KIAA1217: variants seen among roughly 807,000 people sequenced by gnomAD.
KIAA1217 encodes the protein sickle tail protein homolog.
Under a neutral mutation model 163.9 loss-of-function variants are expected in KIAA1217, and 88 were observed. The observed-to-expected ratio is 0.54, with a 90% CI of 0.45 to 0.64. The LOEUF is 0.64. Among genes scored for constraint, KIAA1217 ranks in the 30% least tolerant of loss-of-function variants. KIAA1217 has a pLI of 0.00. For synonymous variants in KIAA1217, 903 were observed against 923.1 expected (o/e 0.98, Z 0.39); for missense variants, 2,372 against 2,475.0 (o/e 0.96, Z 0.88).
In KIAA1217 at chr10:24,545,087, C is replaced by A; in HGVS notation, c.5318C>A (p.Pro1773His). The change falls in exon 20 of 21, where the codon CCC becomes CAC. Residue 1773 changes from proline (P) to histidine (H), a missense_variant. Physicochemically the swap from Pro to His is moderately conservative, Grantham distance 77 (BLOSUM62 -2). Around this residue, in one of 3 missense-constraint regions of KIAA1217, gnomAD observed 690 missense variants for 677.5 expected, o/e 1.02. Coordinates refer to ENST00000376454, the MANE Select transcript of KIAA1217 (RefSeq NM_019590.5). The stretch of plus-strand genomic sequence containing the variant: ...GGCAAGCAGTCCAAACTGCAGGATC[C>A]CCGCCAATATCGTCAGGTAGTTTTA... ...KPGKQSKLQD[P>H]RQYRQANGSA... 1 of 1,614,188 alleles carries A rather than the reference C, an allele frequency of 6.2e-7. No individual in the cohort carries two copies. Among genetic ancestry groups the A allele is most frequent in the South Asian group, 1.1e-5 (1 of 91,086 alleles).
intron 2 of KIAA1217, among the ~76,000 whole-genome samples, chr10:24,269,348 T>G (rs10443964): frequency 0.35 from 52,521 of 151,182 alleles, 9,292 homozygotes; most frequent in African/African-American, 0.38. Context: ...CAGAGCAAGA[T>G]CCTTTCTCTA....
intron 2 of KIAA1217, among the ~76,000 whole-genome samples, chr10:24,189,455 T>G (rs2066608737): frequency 6.6e-6 from 1 of 152,176 alleles, no homozygotes; most frequent in South Asian, 2.1e-4. Flanking sequence ...TAAAATATTT[T>G]TCTATCCCTT....
rs2061835398 is a variant in KIAA1217 at position 24,089,320 on chromosome 10, T to C, written c.-171+81946T>C. Among the ~76,000 whole-genome samples the C allele has an allele frequency of 2.4e-5, 3 of 125,576 alleles. 1 individual carries two copies. The highest frequency in any genetic ancestry group is 1.5e-4 in the Admixed American group (2 of 13,062). 82.4% of individuals were successfully genotyped at this position (125,576 alleles called of 152,430 possible). On this transcript the variant is annotated intron_variant, in intron 2 of 18. Transcript: ENST00000376462. ...TTTAATTAGATCCCATTTGTCAATT[T>C]TGGCTTTTGTTGCCATTGCTTTTGG...
chr10:24,473,870 C>T lies in KIAA1217; in HGVS notation c.1489C>T (p.His497Tyr). 1 of 1,614,166 alleles carries T rather than the reference C, an allele frequency of 6.2e-7. No individual in the cohort carries two copies. The highest frequency in any genetic ancestry group is 1.7e-5 in the Admixed American group (1 of 60,020). Residue 497 changes from histidine to tyrosine, a missense_variant, in exon 6 of 21, where the codon CAC (histidine) becomes TAC (tyrosine). This residue lies in a region of KIAA1217 where 1,431 missense variants were observed against 1,470.3 expected (regional missense o/e 0.97). Coordinates refer to ENST00000376454, the MANE Select transcript of KIAA1217 (RefSeq NM_019590.5). ...HAHYNAHGPP[H>Y]TMQPDRASPS... ...TCACTATAATGCCCACGGCCCCCCT[C>T]ACACCATGCAGCCAGACCGGGCCTC...
chr10:24,219,794 G>A lies in KIAA1217; in HGVS notation c.239G>A (p.Gly80Glu), dbSNP rs1486516049. The part of the protein sequence containing the change: ...GGPRSSKEIL[G>E]MQTSEMDRKR... ...CCCCGAAGTTCCAAGGAAATACTGG[G>A]AATGCAAACATCTGAGATGGATCGG... The change falls in exon 2 of 21, where the codon GGA becomes GAA. Residue 80 changes from glycine to glutamate, a missense_variant. Gly to Glu is a moderately conservative substitution (Grantham distance 98). Around this residue, in one of 3 missense-constraint regions of KIAA1217, gnomAD observed 1,431 missense variants for 1,470.3 expected, o/e 0.97. Coordinates refer to ENST00000376454, the MANE Select transcript of KIAA1217 (RefSeq NM_019590.5). 6.2e-7 allele frequency: 1 copy of A among 1,613,988 alleles called. No homozygotes were observed. Among genetic ancestry groups the A allele is most frequent in the Admixed American group, 1.7e-5 (1 of 60,012 alleles).
intron 2 of KIAA1217, among the ~76,000 whole-genome samples, chr10:24,191,636 C>A (rs1365726655): frequency 6.6e-6 from 1 of 152,054 alleles, no homozygotes; most frequent in Non-Finnish European, 1.5e-5. Flanking sequence ...GCAAAAGCAA[C>A]CCAGAATAGG....
intron 5 of KIAA1217, among the ~76,000 whole-genome samples, chr10:24,462,286 C>A (rs910113420): frequency 1.3e-5 from 2 of 152,064 alleles, no homozygotes; most frequent in Non-Finnish European, 2.9e-5. Flanking sequence ...ATCATTCGAG[C>A]CGAAGCCCAG....
chr10:24,192,451 G>A (rs1002327454), intron 2 of KIAA1217, among the ~76,000 whole-genome samples: 60 of 152,156 alleles, frequency 3.9e-4, no homozygotes, highest in African/African-American at 1.3e-3. Flanking sequence ...ATCATATTTG[G>A]GGGGTAGTAT....
At chr10:23,701,955 A>G (rs1228968923) in intron 1 of KIAA1217, among the ~76,000 whole-genome samples, 1 of 152,214 alleles carries the variant, frequency 6.6e-6, no homozygotes, top group Non-Finnish European at 1.5e-5. Flanking sequence ...TTGCTTTACC[A>G]GAGAAAAATG....
chr10:24,219,918 A>G lies in KIAA1217; in HGVS notation c.354+9A>G. On this transcript the variant is annotated intron_variant, in intron 2 of 20. Coordinates refer to ENST00000376454, the MANE Select transcript of KIAA1217 (RefSeq NM_019590.5). Reference sequence around the variant, plus strand: ...AGAGGCTGAGAGACCAGGTACGAATATGCTCTCATTTCTCCTTGTGTAGCT... The same window carrying G: ...AGAGGCTGAGAGACCAGGTACGAATGTGCTCTCATTTCTCCTTGTGTAGCT... 1 of 1,577,992 alleles carries G rather than the reference A, an allele frequency of 6.3e-7. No individual in the cohort carries two copies. Among genetic ancestry groups the G allele is most frequent in the Non-Finnish European group, 8.6e-7 (1 of 1,163,792 alleles).
chr10:24,193,643 A>G (rs2066831726), intron 2 of KIAA1217, among the ~76,000 whole-genome samples: 1 of 152,228 alleles, frequency 6.6e-6, no homozygotes, highest in African/African-American at 2.4e-5. Context: ...TTGAGGAAAT[A>G]AACGAGCTGC....
intron 1 of KIAA1217, among the ~76,000 whole-genome samples, chr10:23,774,446 TG>T (rs902978377): frequency 6.6e-6 from 1 of 152,166 alleles, no homozygotes; most frequent in African/African-American, 2.4e-5. Context: ...CAAAGAGACC[TG>T]ATAACTTAGA....
intron 2 of KIAA1217, among the ~76,000 whole-genome samples, chr10:24,199,435 T>C (rs2130513767): frequency 6.6e-6 from 1 of 152,332 alleles, no homozygotes; most frequent in South Asian, 2.1e-4. Flanking sequence ...AATTACCTCT[T>C]AAAGACCCCA....
chr10:24,419,194 A>G (rs1386370781), intron 3 of KIAA1217, among the ~76,000 whole-genome samples: 1 of 151,680 alleles, frequency 6.6e-6, no homozygotes, highest in Admixed American at 6.6e-5. Context: ...AAAAAAAGAA[A>G]GAAAATCTCA....
At chr10:23,934,557 G>GTATATATATA (rs778185120) in intron 1 of KIAA1217, among the ~76,000 whole-genome samples, 68 of 44,334 alleles carry the variant, frequency 1.5e-3, no homozygotes, top group Non-Finnish European at 2.1e-3. Context: ...GGTCTTTAAA[G>GTATATATATA]TATATATATA....
At chr10:24,438,024 A>C (rs1270831761) in intron 4 of KIAA1217, among the ~76,000 whole-genome samples, 1 of 151,766 alleles carries the variant, frequency 6.6e-6, no homozygotes, top group Admixed American at 6.6e-5. Flanking sequence ...TATCAACCAA[A>C]TCTCTTTGAA....
intron 1 of KIAA1217, among the ~76,000 whole-genome samples, chr10:23,769,220 T>C (rs1834687846): frequency 6.6e-6 from 1 of 152,156 alleles, no homozygotes; most frequent in African/African-American, 2.4e-5. Flanking sequence ...GATGAAATCA[T>C]AGAGAATTGA....
Position 24,106,018 on chromosome 10 carries a change from C to T in KIAA1217, c.-171+98644C>T, listed in dbSNP as rs573954212. Among the ~76,000 whole-genome samples the T allele has an allele frequency of 9.9e-5, 15 of 152,248 alleles. No homozygotes were observed. The East Asian group carries it at 2.1e-3, about 22-fold the overall frequency. ...GAAGTTGGAGACCAATTCTAAGCAC[C>T]GGGAACCTTGTGATGGAATGGGATT... On this transcript the variant is annotated intron_variant, in intron 2 of 18. Coordinates refer to the KIAA1217 transcript ENST00000376462.
intron 2 of KIAA1217, among the ~76,000 whole-genome samples, chr10:24,170,513 G>C (rs1025727103): frequency 6.6e-6 from 1 of 152,112 alleles, no homozygotes; most frequent in Non-Finnish European, 1.5e-5. Context: ...TCTGAGGGGA[G>C]GCTCTTTGAC....
Sources: allele counts gnomAD v4.1 joint callset (sites outside exome capture counted in the v4.1 genomes callset), GRCh38; gene constraint gnomAD v4.1.1; regional missense constraint gnomAD v4.1.1; transcripts MANE v1.5; gene names NCBI Gene and HGNC (gene_info 2026-07-23, HGNC 2026-07-21).